The following AKAP19 variants were observed in gnomAD, a reference collection of about 807,000 sequenced individuals.
AKAP19 encodes A-kinase anchoring protein 19.
At chr2:190,039,805 G>A in the AKAP19 span, among the ~76,000 whole-genome samples, 11 of 152,142 alleles carry the variant, frequency 7.2e-5, no homozygotes, top group African/African-American at 2.7e-4. Context: ...AGTCTACTAA[G>A]GATAACAGCC....
At chr2:190,143,734 C>T in the AKAP19 span, among the ~76,000 whole-genome samples, 122 of 151,440 alleles carry the variant, frequency 8.1e-4, no homozygotes, top group African/African-American at 2.6e-3. Context: ...ATGTTTATTG[C>T]GGCATTATTC....
At chr2:190,201,439 A>C in the AKAP19 span, 1 of 167,060 alleles carries the variant, frequency 6.0e-6, no homozygotes, top group Non-Finnish European at 1.5e-5. Flanking sequence ...TTAAATGGAA[A>C]GGAAATTATT....
chr2:190,092,542 T>G, the AKAP19 span, among the ~76,000 whole-genome samples: 1 of 152,266 alleles, frequency 6.6e-6, no homozygotes, highest in African/African-American at 2.4e-5. Context: ...GCCTCTTTCT[T>G]TGGCCTCTCT....
At chr2:190,081,772 T>C in the AKAP19 span, among the ~76,000 whole-genome samples, 1 of 152,154 alleles carries the variant, frequency 6.6e-6, no homozygotes, top group East Asian at 1.9e-4. Flanking sequence ...CTTCATTATA[T>C]CCAGCCACCA....
the AKAP19 span, chr2:190,180,336 A>G: frequency 4.4e-6 from 2 of 451,878 alleles, no homozygotes; most frequent in African/African-American, 2.1e-5. This position sits in a 1 kb window ranked among gnomAD's most constrained non-coding sequence, Gnocchi z 6.8. Context: ...GCCCCGGCCC[A>G]GCACCTGTTG....
At chr2:190,195,941 C>CTT in the AKAP19 span, among the ~76,000 whole-genome samples, 1,830 of 86,102 alleles carry the variant, frequency 0.021, 76 homozygotes, top group African/African-American at 0.062. Flanking sequence ...CTGTGTCCAG[C>CTT]TTTTTTTTTT....
the AKAP19 span, among the ~76,000 whole-genome samples, chr2:189,952,922 CTG>C: frequency 6.6e-6 from 1 of 152,044 alleles, no homozygotes; most frequent in Non-Finnish European, 1.5e-5. Flanking sequence ...AAATTGCAGA[CTG>C]TAGTGATGGA....
chr2:189,912,617 T>C, the AKAP19 span, among the ~76,000 whole-genome samples: 2 of 152,206 alleles, frequency 1.3e-5, no homozygotes, highest in African/African-American at 4.8e-5. Flanking sequence ...CAAGGACTTT[T>C]GTTTATATAA....
At chr2:190,057,309 T>C in the AKAP19 span, 1 of 1,613,346 alleles carries the variant, frequency 6.2e-7, no homozygotes, top group East Asian at 2.2e-5. Flanking sequence ...TCCCATATAT[T>C]ATTTGTTCTT....
At chr2:190,141,019 C>T in the AKAP19 span, among the ~76,000 whole-genome samples, 1 of 152,298 alleles carries the variant, frequency 6.6e-6, no homozygotes, top group African/African-American at 2.4e-5. Flanking sequence ...CCACCTGTCT[C>T]TTTGCTAAAG....
the AKAP19 span, among the ~76,000 whole-genome samples, chr2:190,020,642 T>G: frequency 2.0e-5 from 3 of 152,218 alleles, no homozygotes; most frequent in Non-Finnish European, 4.4e-5. Context: ...TACAATTTAG[T>G]AGCATTAAGT....
the AKAP19 span, among the ~76,000 whole-genome samples, chr2:189,995,547 A>G: frequency 3.9e-5 from 6 of 152,252 alleles, no homozygotes; most frequent in Admixed American, 3.3e-4. Context: ...AAGATACTTG[A>G]TTGGTGAGTT....
At chr2:190,194,288 CT>C in the AKAP19 span, among the ~76,000 whole-genome samples, 359 of 152,154 alleles carry the variant, frequency 2.4e-3, 2 homozygotes, top group African/African-American at 8.1e-3. Flanking sequence ...CGTATTTTTT[CT>C]TTGACTATTC....
At chr2:190,032,628 C>T in the AKAP19 span, among the ~76,000 whole-genome samples, 5 of 152,182 alleles carry the variant, frequency 3.3e-5, no homozygotes, top group East Asian at 9.7e-4. Context: ...TGTGTTCGGT[C>T]CTGTTCCTCT....
At chr2:190,106,986 G>C in the AKAP19 span, among the ~76,000 whole-genome samples, 1 of 152,182 alleles carries the variant, frequency 6.6e-6, no homozygotes, top group African/African-American at 2.4e-5. Context: ...AAGCTGGAGA[G>C]AGAAGACTTG....
At chr2:189,941,944 T>C in the AKAP19 span, among the ~76,000 whole-genome samples, 3 of 152,038 alleles carry the variant, frequency 2.0e-5, no homozygotes, top group African/African-American at 4.8e-5. Flanking sequence ...AAGATGTACA[T>C]AGACTGAAAG....
chr2:190,103,911 GA>G, the AKAP19 span, among the ~76,000 whole-genome samples: 4 of 152,020 alleles, frequency 2.6e-5, no homozygotes, highest in African/African-American at 7.2e-5. Context: ...AAAGCCAAAG[GA>G]ATCACATTAC....
the AKAP19 span, among the ~76,000 whole-genome samples, chr2:190,166,347 G>A: frequency 0.018 from 1,331 of 72,348 alleles, 32 homozygotes; most frequent in African/African-American, 0.071. Context: ...TTTTTGCTGA[G>A]GTCTGCTACA....
chr2:190,148,496 G>T, the AKAP19 span, among the ~76,000 whole-genome samples: 67 of 152,240 alleles, frequency 4.4e-4, no homozygotes, highest in African/African-American at 1.6e-3. Context: ...TCCTGGTTTT[G>T]GTATTAGGGT....
Sources: gnomAD v4.1 joint callset for allele counts (sites outside exome capture counted in the v4.1 genomes callset) on GRCh38, gnomAD v4.1.1 for gene constraint, Gnocchi (gnomAD v3.1) non-coding constraint, MANE v1.5 for transcripts, NCBI Gene and HGNC (gene_info 2026-07-23, HGNC 2026-07-21) for gene names.